The following RAB24 variants were observed in gnomAD, a reference collection of about 807,000 sequenced individuals.
RAB24 encodes the protein ras-related protein Rab-24.
RAB24 carries 9 observed loss-of-function variants against 31.4 expected under a neutral mutation model. The observed-to-expected ratio is 0.29, with a 90% CI of 0.17 to 0.50. The LOEUF (loss-of-function observed/expected upper bound fraction) is 0.50, where lower values mean the gene tolerates loss of function less well. Among genes scored for constraint, RAB24 ranks in the 20% least tolerant of loss-of-function variants. RAB24 has a pLI of 0.98. For synonymous variants in RAB24, 106 were observed against 94.1 expected (o/e 1.13, Z -0.73); for missense variants, 197 against 265.2 (o/e 0.74, Z 1.79).
chr5:177,301,882 T>G (rs1313401609), intron 7 of RAB24, 43 bp downstream of exon 7: 1 of 1,612,786 alleles, frequency 6.2e-7, no homozygotes, highest in Non-Finnish European at 8.5e-7. Flanking sequence ...CTAGATGCTG[T>G]GGGCCTAGAG....
At position 177,301,711 on chromosome 5, in the gene RAB24, C is replaced by CT. The variant is rs1344956020; in HGVS notation, c.*31dup. On this transcript the variant is annotated 3_prime_UTR_variant, in exon 8 of 8. Transcript: ENST00000303251. ...TGGGTCCAGCCCTTACGGGGAATTC[C>CT]TTTAATTCCCCCAGGCCAGGTGAGT... 3 of 1,610,842 alleles carry CT rather than the reference C, an allele frequency of 1.9e-6. No homozygotes were observed. Among genetic ancestry groups the CT allele is most frequent in the African/African-American group, 2.7e-5 (2 of 74,846 alleles).
chr5:177,302,375 C>G, intron 5 of RAB24, 22 bp downstream of exon 5: 6 of 1,611,614 alleles, frequency 3.7e-6, no homozygotes, highest in Non-Finnish European at 4.2e-6. Context: ...CCCCACCCCC[C>G]AAAGGGCTGA....
chr5:177,302,962 C>G, intron 2 of RAB24, 47 bp downstream of exon 2: 5 of 1,604,316 alleles, frequency 3.1e-6, no homozygotes, highest in South Asian at 1.1e-5. Flanking sequence ...AGGACCTACA[C>G]CTCCTCAGGA....
At chr5:177,302,869 C>G in intron 2 of RAB24, 39 bp from the exon 3 acceptor site, 1 of 1,606,968 alleles carries the variant, frequency 6.2e-7, no homozygotes, top group Non-Finnish European at 8.5e-7. Flanking sequence ...AGGCCACGTT[C>G]TCCAGACCCC....
At position 177,302,574 on chromosome 5, in the gene RAB24, T is replaced by C. The variant is rs1581582607; in HGVS notation, c.333+3A>G. The C allele has an allele frequency of 2.5e-6, 4 of 1,614,154 alleles. No homozygotes were observed. Among genetic ancestry groups the C allele is most frequent in the Middle Eastern group, 1.6e-4 (1 of 6,062 alleles). On this transcript the variant is annotated splice_donor_region_variant and intron_variant, in intron 4 of 7. Transcript: ENST00000303251. Reference sequence around the variant, plus strand: ...AGTGTTCTAGTGAGGTCTGTTCACCTACCTCCTCTAGGCTGCGCAGTTCCT... The same window carrying C: ...AGTGTTCTAGTGAGGTCTGTTCACCCACCTCCTCTAGGCTGCGCAGTTCCT...
Position 177,301,684 on chromosome 5 carries a change from G to T in RAB24, c.*59C>A. On this transcript the variant is annotated 3_prime_UTR_variant, in exon 8 of 8. Coordinates refer to ENST00000303251, the MANE Select transcript of RAB24 (RefSeq NM_001031677.4). ...TTTGACTACCCAAGCCCAGAAAGGA[G>T]CTGGGTCCAGCCCTTACGGGGAATT... 1.3e-6 allele frequency: 2 copies of T among 1,587,982 alleles called. No homozygotes were observed.
Position 177,302,735 on chromosome 5 carries a change from ACCCCC to A in RAB24, c.265+12_265+16del. On this transcript the variant is annotated intron_variant, in intron 3 of 7. Transcript: ENST00000303251. ...CATCTTTTCTTGTGAGACAGCCCAA[ACCCCC>A]CCCCCCCTTACCATAGCAGACGATG... 4 of 1,391,656 alleles carry A rather than the reference ACCCCC, an allele frequency of 2.9e-6. No individual in the cohort carries two copies. Among genetic ancestry groups the A allele is most frequent in the Non-Finnish European group, 4.0e-6 (4 of 998,752 alleles). The allele number at this position is 1,391,656 out of a possible 1,614,324, so 86.2% of individuals were successfully genotyped here. A position where few individuals can be genotyped will look rare whatever the true frequency, so the allele number is the denominator to read the frequency against.
Position 177,302,188 on chromosome 5 carries a change from G to A in RAB24, c.434-10C>T, listed in dbSNP as rs781568804. On this transcript the variant is annotated splice_polypyrimidine_tract_variant and intron_variant, in intron 5 of 7. Transcript: ENST00000303251. Reference sequence around the variant, plus strand: ...AGCTGAGCTTTGATATCTGTAAAGAGAAGTGACTAAAGCCTCATACCTGAG... The same window carrying A: ...AGCTGAGCTTTGATATCTGTAAAGAAAAGTGACTAAAGCCTCATACCTGAG... 24 of 1,614,072 alleles carry A rather than the reference G, an allele frequency of 1.5e-5. No individual in the cohort carries two copies. Among genetic ancestry groups the A allele is most frequent in the Non-Finnish European group, 1.7e-5 (20 of 1,179,888 alleles).
Position 177,302,189 on chromosome 5 carries a change from A to C in RAB24, c.434-11T>G. 1 of 1,613,970 alleles carries C rather than the reference A, an allele frequency of 6.2e-7. No homozygotes were observed. The highest frequency in any genetic ancestry group is 8.5e-7 in the Non-Finnish European group (1 of 1,179,822). On this transcript the variant is annotated splice_polypyrimidine_tract_variant and intron_variant, in intron 5 of 7. Transcript: ENST00000303251. ...GCTGAGCTTTGATATCTGTAAAGAG[A>C]AGTGACTAAAGCCTCATACCTGAGA...
chr5:177,301,735 G>C lies in RAB24; in HGVS notation c.*8C>G. ...CCTTTAATTCCCCCAGGCCAGGTGA[G>C]TGCTGACTCAGTGATGACAACAGCT... On this transcript the variant is annotated 3_prime_UTR_variant, in exon 8 of 8. Coordinates refer to ENST00000303251, the MANE Select transcript of RAB24 (RefSeq NM_001031677.4). 3 of 1,614,106 alleles carry C rather than the reference G, an allele frequency of 1.9e-6. No individual in the cohort carries two copies. The highest frequency in any genetic ancestry group is 2.5e-6 in the Non-Finnish European group (3 of 1,179,934).
In RAB24 at chr5:177,302,999, G is replaced by A; in HGVS notation, c.186+10C>T. The A allele has an allele frequency of 6.2e-7, 1 of 1,613,760 alleles. No homozygotes were observed. Among genetic ancestry groups the A allele is most frequent in the Non-Finnish European group, 8.5e-7 (1 of 1,179,728 alleles). ...TGAGTCTCCCAAGAATAGATGGCCGGGGGACTTACCCAAATACCTAATGTC... is the reference window on the plus strand; with the variant it reads ...TGAGTCTCCCAAGAATAGATGGCCGAGGGACTTACCCAAATACCTAATGTC... On this transcript the variant is annotated intron_variant, in intron 2 of 7. Transcript: ENST00000303251.
Position 177,301,506 on chromosome 5 carries a change from G to A in RAB24, c.*237C>T, listed in dbSNP as rs1379691065. On this transcript the variant is annotated 3_prime_UTR_variant, in exon 8 of 8. Transcript: ENST00000303251. Reference sequence around the variant, plus strand: ...AGATCAAAAGCCACTTAAATAATCTGCAGACACAAGTGCTGTCCAGGGCAG... The same window carrying A: ...AGATCAAAAGCCACTTAAATAATCTACAGACACAAGTGCTGTCCAGGGCAG... 2 of 577,186 alleles carry A rather than the reference G, an allele frequency of 3.5e-6. No homozygotes were observed. Among genetic ancestry groups the A allele is most frequent in the African/African-American group, 3.7e-5 (2 of 53,440 alleles). The allele number at this position is 577,186 out of a possible 1,614,324, so 35.8% of individuals were successfully genotyped here. A position where few individuals can be genotyped will look rare whatever the true frequency, so the allele number is the denominator to read the frequency against.
chr5:177,302,370 C>T (rs765298462), intron 5 of RAB24, 27 bp downstream of exon 5: 3 of 1,607,484 alleles, frequency 1.9e-6, no homozygotes, highest in East Asian at 2.2e-5. Flanking sequence ...CACACCCCCA[C>T]CCCCCAAAGG....
chr5:177,302,467 C>T lies in RAB24; in HGVS notation c.363G>A (p.Lys121=), dbSNP rs144771619. The T allele has an allele frequency of 8.6e-5, 139 of 1,613,966 alleles. No individual in the cohort carries two copies. In the East Asian group the frequency reaches 3.1e-3, roughly 35 times the overall value. Residue 121 remains lysine, a synonymous_variant, in exon 5 of 8, where the codon AAG becomes AAA. Coordinates refer to ENST00000303251, the MANE Select transcript of RAB24 (RefSeq NM_001031677.4). ...TCCGGTCTTCTTCCAGCAGGTCACT[C>T]TTGGTGCCACATAAGTAGATTTGGC... The part of the protein sequence containing the change: ...EGCQIYLCGT[K]SDLLEEDRRR...
At chr5:177,301,890 G>C (rs1760667928) in intron 7 of RAB24, 35 bp downstream of exon 7, 8 of 1,612,886 alleles carry the variant, frequency 5.0e-6, no homozygotes, top group African/African-American at 1.3e-5. Flanking sequence ...TGTGGGCCTA[G>C]AGTAAGTCTC....
In RAB24 at chr5:177,303,566, A is replaced by G. The variant is rs1012323006; in HGVS notation, c.-278T>C. 145 of 539,920 alleles carry G rather than the reference A, an allele frequency of 2.7e-4. 1 individual carries two copies. Among genetic ancestry groups the G allele is most frequent in the Middle Eastern group, 4.9e-4 (1 of 2,056 alleles). The allele number at this position is 539,920 out of a possible 1,614,324, so 33.4% of individuals were successfully genotyped here. A position where few individuals can be genotyped will look rare whatever the true frequency, so the allele number is the denominator to read the frequency against. ...GAGCGCGCGGGACAGCGTCCTCAAC[A>G]GCGCAGCACGCCGCCGTGCAGCTCG... On this transcript the variant is annotated 5_prime_UTR_variant, in exon 1 of 8. Coordinates refer to ENST00000303251, the MANE Select transcript of RAB24 (RefSeq NM_001031677.4). This position sits in a 1 kb window ranked among gnomAD's most constrained non-coding sequence, Gnocchi z 6.1.
chr5:177,301,257 CAGAA>C lies in RAB24; in HGVS notation c.*482_*485del, dbSNP rs1362441541. ...CAACTCATGCACTCTTTTCAGCACT[CAGAA>C]GGAACTGTGAGCTTTTATACTACTA... On this transcript the variant is annotated 3_prime_UTR_variant, in exon 8 of 8. Transcript: ENST00000303251. 2 of 174,914 alleles carry C rather than the reference CAGAA, an allele frequency of 1.1e-5. No individual in the cohort carries two copies. The highest frequency in any genetic ancestry group is 4.8e-5 in the African/African-American group (2 of 41,690). The allele number at this position is 174,914 out of a possible 1,614,324, so 10.8% of individuals were successfully genotyped here.
chr5:177,301,526 G>A lies in RAB24; in HGVS notation c.*217C>T, dbSNP rs1264011041. 1.0e-5 allele frequency: 6 copies of A among 601,102 alleles called. No homozygotes were observed. Among genetic ancestry groups the A allele is most frequent in the Non-Finnish European group, 1.8e-5 (6 of 338,330 alleles). The allele number at this position is 601,102 out of a possible 1,614,324, so 37.2% of individuals were successfully genotyped here. ...AATCTGCAGACACAAGTGCTGTCCAGGGCAGAAGCCTGGGGTCCAAATCAG... is the reference window on the plus strand; with the variant it reads ...AATCTGCAGACACAAGTGCTGTCCAAGGCAGAAGCCTGGGGTCCAAATCAG... On this transcript the variant is annotated 3_prime_UTR_variant, in exon 8 of 8. Coordinates refer to ENST00000303251, the MANE Select transcript of RAB24 (RefSeq NM_001031677.4).
At position 177,302,642 on chromosome 5, in the gene RAB24, G is replaced by C. The variant is rs1760718234; in HGVS notation, c.268C>G (p.Leu90Val). Residue 90 changes from leucine (L) to valine (V), a missense_variant and splice_region_variant, in exon 4 of 8, where the codon CTC (leucine) becomes GTC (valine). Physicochemically the swap from Leu to Val is conservative, Grantham distance 32. Transcript: ENST00000303251. The stretch of plus-strand genomic sequence containing the variant: ...CGCTCAAAGCTGCTGCTGTCTGTGA[G>C]GTCTTGGTGTGCGGCATGCAGGAGA... ...GAKAAIVCYD[L>V]TDSSSFERAK... 1 of 1,614,010 alleles carries C rather than the reference G, an allele frequency of 6.2e-7. No homozygotes were observed. Among genetic ancestry groups the C allele is most frequent in the South Asian group, 1.1e-5 (1 of 91,090 alleles).
Sources: gnomAD v4.1 joint callset for allele counts on GRCh38, gnomAD v4.1.1 for gene constraint, Gnocchi (gnomAD v3.1) non-coding constraint, MANE v1.5 for transcripts, NCBI Gene and HGNC (gene_info 2026-07-23, HGNC 2026-07-21) for gene names.